FMNL2: variants seen among roughly 807,000 people sequenced by gnomAD.
The protein encoded by FMNL2 is formin-like protein 2.
Under a neutral mutation model 130.2 loss-of-function variants are expected in FMNL2, and 51 were observed. That is an observed-to-expected ratio of 0.39 (90% CI 0.31 to 0.49). The LOEUF (loss-of-function observed/expected upper bound fraction) is 0.49, where lower values mean the gene tolerates loss of function less well. Ranked by LOEUF, FMNL2 falls within the 20% of genes least tolerant of loss-of-function variation. The pLI is 0.85. For synonymous variants in FMNL2, 465 were observed against 467.1 expected (o/e 1.00, Z 0.06); for missense variants, 977 against 1,316.2 (o/e 0.74, Z 3.99).
chr2:152,438,233 G>A (rs1687871256), intron 1 of FMNL2, among the ~76,000 whole-genome samples: 1 of 152,202 alleles, frequency 6.6e-6, no homozygotes, highest in African/African-American at 2.4e-5. Flanking sequence ...GGAATAATTA[G>A]GAAATGGTGT....
At chr2:152,357,881 T>C (rs1037156224) in intron 1 of FMNL2, among the ~76,000 whole-genome samples, 4 of 152,162 alleles carry the variant, frequency 2.6e-5, no homozygotes, top group Admixed American at 6.5e-5. Flanking sequence ...ATGGTTAATA[T>C]CGAGTGTCAA....
At chr2:152,378,497 A>G (rs1684292452) in intron 1 of FMNL2, among the ~76,000 whole-genome samples, 1 of 152,212 alleles carries the variant, frequency 6.6e-6, no homozygotes, top group Admixed American at 6.5e-5. Flanking sequence ...TGTAATAGGT[A>G]CTTGATTTCA....
At position 152,438,392 on chromosome 2, in the gene FMNL2, G is replaced by T. The variant is rs1429722435; in HGVS notation, c.118-83551G>T. Among the ~76,000 whole-genome samples, 4 of 152,320 alleles carry T rather than the reference G, an allele frequency of 2.6e-5. No homozygotes were observed. In the East Asian group the frequency reaches 7.7e-4, roughly 29 times the overall value. On this transcript the variant is annotated intron_variant, in intron 1 of 25. Coordinates refer to ENST00000288670, the MANE Select transcript of FMNL2 (RefSeq NM_052905.4). ...AGGTAACCTTAAGTGGGTGATGCAG[G>T]TTCTAAATTAGAGTGGGGAATGGAC...
chr2:152,420,243 A>G lies in FMNL2; in HGVS notation c.117+84523A>G, dbSNP rs562600443. Reference sequence around the variant, plus strand: ...GCCTTGTGAAAAGACGAATTTGGTCACCACAAATTATAGAAACTTTCAGAA... The same window carrying G: ...GCCTTGTGAAAAGACGAATTTGGTCGCCACAAATTATAGAAACTTTCAGAA... On this transcript the variant is annotated intron_variant, in intron 1 of 25. Coordinates refer to ENST00000288670, the MANE Select transcript of FMNL2 (RefSeq NM_052905.4). Among the ~76,000 whole-genome samples, 31 of 152,370 alleles carry G rather than the reference A, an allele frequency of 2.0e-4. No individual in the cohort carries two copies. In the South Asian group the frequency reaches 6.4e-3, roughly 32 times the overall value.
At chr2:152,638,966 G>GA (rs1682855368) in intron 23 of FMNL2, among the ~76,000 whole-genome samples, 1 of 152,218 alleles carries the variant, frequency 6.6e-6, no homozygotes, top group African/African-American at 2.4e-5. Flanking sequence ...TGGAGCAGAG[G>GA]AAAAAAGAAG....
At chr2:152,565,541 T>G (rs1695787749) in intron 6 of FMNL2, among the ~76,000 whole-genome samples, 1 of 152,196 alleles carries the variant, frequency 6.6e-6, no homozygotes, top group African/African-American at 2.4e-5. Flanking sequence ...CCAAGGATGA[T>G]CTTTTCAAAA....
chr2:152,438,519 A>T (rs985081225), intron 1 of FMNL2, among the ~76,000 whole-genome samples: 1 of 152,230 alleles, frequency 6.6e-6, no homozygotes, highest in Non-Finnish European at 1.5e-5. Flanking sequence ...AAGGAGACTG[A>T]AATATAGGTG....
At chr2:152,473,559 T>G (rs1689968244) in intron 1 of FMNL2, among the ~76,000 whole-genome samples, 1 of 152,194 alleles carries the variant, frequency 6.6e-6, no homozygotes, top group East Asian at 1.9e-4. Context: ...AATACTCACA[T>G]GGTGATTGAG....
At chr2:152,387,811 A>T (rs74755280) in intron 1 of FMNL2, among the ~76,000 whole-genome samples, 2 of 128,738 alleles carry the variant, frequency 1.6e-5, no homozygotes, top group South Asian at 2.3e-4. Flanking sequence ...CTGGCTAATT[A>T]AAAAAAAAAT....
Position 152,560,926 on chromosome 2 carries a change from G to GTCGCCGTATCATTAAAAAA in FMNL2, c.487_488insTCGCCGTATCATTAAAAAA (p.Asp163ValfsTer14). On this transcript the variant is annotated frameshift_variant, in exon 6 of 26. Coordinates refer to ENST00000288670, the MANE Select transcript of FMNL2 (RefSeq NM_052905.4). LOFTEE classifies it high-confidence loss of function. ...GGAGAGTACTGTGGAGAGCTCGGTG[G>GTCGCCGTATCATTAAAAAA]ACAAATCAAAGCCCTGGAGTAGGTC... The GTCGCCGTATCATTAAAAAA allele has an allele frequency of 6.2e-7, 1 of 1,600,602 alleles. No individual in the cohort carries two copies. Among genetic ancestry groups the GTCGCCGTATCATTAAAAAA allele is most frequent in the Non-Finnish European group, 8.5e-7 (1 of 1,173,274 alleles).
chr2:152,419,336 G>A (rs6761815), intron 1 of FMNL2, among the ~76,000 whole-genome samples: 26,250 of 152,032 alleles, frequency 0.17, 3,109 homozygotes, highest in African/African-American at 0.33. Context: ...GAAATGTACA[G>A]TATGCTATTA....
At chr2:152,543,492 G>T (rs1481894097) in intron 3 of FMNL2, among the ~76,000 whole-genome samples, 2 of 152,098 alleles carry the variant, frequency 1.3e-5, no homozygotes, top group Non-Finnish European at 2.9e-5. Context: ...GGGTGAAGGG[G>T]TGCTTTACCA....
intron 12 of FMNL2, among the ~76,000 whole-genome samples, chr2:152,616,061 C>A (rs1297698827): frequency 6.6e-6 from 1 of 152,162 alleles, no homozygotes; most frequent in East Asian, 1.9e-4. Context: ...TGAACCCAAT[C>A]AGTGTAAATC....
chr2:152,575,539 A>G (rs1456625689), intron 7 of FMNL2, among the ~76,000 whole-genome samples: 2 of 152,140 alleles, frequency 1.3e-5, no homozygotes, highest in African/African-American at 4.8e-5. Context: ...ACGAGATTCT[A>G]TTAAAAAAGA....
chr2:152,595,475 C>T (rs1056309013), intron 9 of FMNL2, among the ~76,000 whole-genome samples: 10 of 152,210 alleles, frequency 6.6e-5, no homozygotes, highest in South Asian at 2.1e-4. Flanking sequence ...CACGCCACCA[C>T]GCCCAGCTAA....
At chr2:152,396,969 G>A (rs1025247659) in intron 1 of FMNL2, among the ~76,000 whole-genome samples, 2 of 152,184 alleles carry the variant, frequency 1.3e-5, no homozygotes, top group Non-Finnish European at 2.9e-5. Flanking sequence ...CACTTGGCAT[G>A]TTGTTCACTA....
At chr2:152,434,696 G>T (rs1687660942) in intron 1 of FMNL2, among the ~76,000 whole-genome samples, 1 of 151,950 alleles carries the variant, frequency 6.6e-6, no homozygotes. Flanking sequence ...AGAGGGCTGA[G>T]AATTGGTTTT....
Position 152,626,601 on chromosome 2 carries a change from A to AACAGAAGATACC in FMNL2, c.2047_2058dup (p.Ile683_Lys686dup). Reference sequence around the variant, plus strand: ...CCTGCCATTGATCTTTCTTCAAGCAAACAGAAGATACCACAGAAGGGATCA... The same window carrying AACAGAAGATACC: ...CCTGCCATTGATCTTTCTTCAAGCAAACAGAAGATACCACAGAAGATACCACAGAAGGGATCA... On this transcript the variant is annotated inframe_insertion, in exon 17 of 26. Transcript: ENST00000288670. 1.2e-6 allele frequency: 2 copies of AACAGAAGATACC among 1,612,956 alleles called. No individual in the cohort carries two copies. The highest frequency in any genetic ancestry group is 1.7e-6 in the Non-Finnish European group (2 of 1,179,458).
rs369130070 is a variant in FMNL2, at chr2:152,637,593, G to A, written c.2865G>A (p.Val955=). The change falls in exon 23 of 26, where the codon GTG becomes GTA. Residue 955 remains valine (V), a synonymous_variant. Transcript: ENST00000288670. ...CACAGGATGCCTTTGATGATGTTGT[G>A]AAGTATTTTGGAGAAAACCCCAAGA... The part of the protein sequence containing the change: ...KIAQDAFDDV[V]KYFGENPKTT... 6.2e-7 allele frequency: 1 copy of A among 1,613,948 alleles called. No individual in the cohort carries two copies. The highest frequency in any genetic ancestry group is 8.5e-7 in the Non-Finnish European group (1 of 1,179,862).
Sources: allele counts gnomAD v4.1 joint callset (sites outside exome capture counted in the v4.1 genomes callset), GRCh38; gene constraint gnomAD v4.1.1; transcripts MANE v1.5; gene names NCBI Gene and HGNC (gene_info 2026-07-23, HGNC 2026-07-21).